The following PREX2 variants were observed in gnomAD, a reference collection of about 807,000 sequenced individuals.
PREX2 encodes the protein phosphatidylinositol-3,4,5-trisphosphate dependent Rac exchange factor 2.
Under a neutral mutation model 203.2 loss-of-function variants are expected in PREX2, and 107 were observed. That is an observed-to-expected ratio of 0.53 (90% CI 0.45 to 0.62). The LOEUF (loss-of-function observed/expected upper bound fraction) is 0.62. PREX2 is among the 20% of genes least tolerant of loss of function. The probability of loss-of-function intolerance (pLI) is 0.00; values close to 1 mark genes in which losing one functional copy is unlikely to be tolerated. For synonymous variants in PREX2, 672 were observed against 663.6 expected, an observed-to-expected ratio of 1.01 and a Z score of -0.19; for missense variants, 1,777 against 1,955.9, an observed-to-expected ratio of 0.91 and a Z score of 1.72.
rs1437596257 is a variant in PREX2 at position 68,235,573 on chromosome 8, G to A, written c.*4195G>A. On this transcript the variant is annotated 3_prime_UTR_variant, in exon 40 of 40. Transcript: ENST00000288368. ...TGAGAAAAATAATCTGTCTTCTATC[G>A]AATGTTTGAACTTTTAGTGATGAGC... The A allele has an allele frequency of 2.0e-5, 3 of 152,086 alleles. No homozygotes were observed. The highest frequency in any genetic ancestry group is 6.6e-5 in the Admixed American group (1 of 15,254). 9.4% of individuals were successfully genotyped at this position (152,086 alleles called of 1,614,324 possible).
At chr8:68,009,730 A>G (rs928182047) in intron 1 of PREX2, among the ~76,000 whole-genome samples, 4 of 152,240 alleles carry the variant, frequency 2.6e-5, no homozygotes, top group Admixed American at 2.0e-4. Flanking sequence ...TACAAATATA[A>G]TGACTTATGA....
At chr8:68,027,736 TA>T (rs1807769433) in intron 5 of PREX2, among the ~76,000 whole-genome samples, 1 of 152,098 alleles carries the variant, frequency 6.6e-6, no homozygotes, top group Non-Finnish European at 1.5e-5. Flanking sequence ...CAAAATTATA[TA>T]ATTGCATAAC....
intron 1 of PREX2, among the ~76,000 whole-genome samples, chr8:67,962,647 C>A (rs754007827): frequency 8.6e-5 from 13 of 150,852 alleles, no homozygotes; most frequent in Non-Finnish European, 1.6e-4. Flanking sequence ...TGCTCTGTTG[C>A]CCAGGCTAGA....
chr8:67,967,637 G>T (rs1415459593), intron 1 of PREX2, among the ~76,000 whole-genome samples: 1 of 152,200 alleles, frequency 6.6e-6, no homozygotes, highest in African/African-American at 2.4e-5. Flanking sequence ...TGGGGCAGGG[G>T]TGGGAATTGG....
chr8:68,208,339 T>A (rs149725039), intron 37 of PREX2, among the ~76,000 whole-genome samples: 2 of 152,244 alleles, frequency 1.3e-5, no homozygotes, highest in East Asian at 3.9e-4. Flanking sequence ...ACTCTAGACA[T>A]GAAATAAGTC....
intron 38 of PREX2, among the ~76,000 whole-genome samples, chr8:68,222,655 A>T (rs1230622054): frequency 7.2e-6 from 1 of 138,010 alleles, no homozygotes; most frequent in Non-Finnish European, 1.6e-5. Flanking sequence ...GTTTGAAGAG[A>T]AACAGGATAT....
chr8:67,973,399 G>A (rs10504412), intron 1 of PREX2, among the ~76,000 whole-genome samples: 8 of 152,062 alleles, frequency 5.3e-5, no homozygotes, highest in African/African-American at 1.9e-4. Flanking sequence ...GAATCTCTCC[G>A]ATAGGGTTCT....
chr8:68,053,041 T>C, intron 8 of PREX2, 56 bp from the exon 9 acceptor site: 2 of 1,481,802 alleles, frequency 1.3e-6, no homozygotes, highest in South Asian at 2.5e-5. Flanking sequence ...ATAGTGTGGA[T>C]ATAATAATAT....
chr8:68,139,549 T>C (rs1242099466), intron 33 of PREX2, among the ~76,000 whole-genome samples: 1 of 152,194 alleles, frequency 6.6e-6, no homozygotes, highest in East Asian at 1.9e-4. Flanking sequence ...GTGTGTTCCA[T>C]ATTAAAAGGC....
At chr8:68,041,469 C>T (rs979596565) in intron 7 of PREX2, among the ~76,000 whole-genome samples, 6 of 151,836 alleles carry the variant, frequency 4.0e-5, no homozygotes, top group Admixed American at 1.3e-4. Context: ...TTATATAAGC[C>T]GAGAAAACAT....
intron 37 of PREX2, among the ~76,000 whole-genome samples, chr8:68,209,222 A>G (rs1812701023): frequency 6.6e-6 from 1 of 152,134 alleles, no homozygotes; most frequent in African/African-American, 2.4e-5. Context: ...ATAGATAGTC[A>G]TTATTCCTTT....
chr8:67,953,929 C>A (rs1805425547), intron 1 of PREX2, among the ~76,000 whole-genome samples: 1 of 152,124 alleles, frequency 6.6e-6, no homozygotes, highest in African/African-American at 2.4e-5. Context: ...TTTTTGGTAA[C>A]AAAGTTCTTT....
chr8:68,174,991 C>T lies in PREX2; in HGVS notation c.4347-16731C>T, dbSNP rs150495399. Among the ~76,000 whole-genome samples the T allele has an allele frequency of 8.7e-3, 1,322 of 152,280 alleles. 15 individuals are homozygous for T. The highest frequency in any genetic ancestry group is 0.021 in the Admixed American group (327 of 15,286). On this transcript the variant is annotated intron_variant, in intron 35 of 39. Coordinates refer to ENST00000288368, the MANE Select transcript of PREX2 (RefSeq NM_024870.4). ...CAGCACTGAGGATACAGAGATGAAC[C>T]GGACAATATGCTCTTGAGAATTTTA... is the stretch of plus-strand genomic sequence containing the variant.
At chr8:68,103,491 T>C (rs1019990050) in intron 23 of PREX2, 26 of 513,550 alleles carry the variant, frequency 5.1e-5, no homozygotes, top group Non-Finnish European at 3.9e-6. Context: ...AGCGTACAAA[T>C]ATGTTTTATA....
intron 35 of PREX2, among the ~76,000 whole-genome samples, chr8:68,168,824 C>T (rs1016128046): frequency 6.6e-5 from 10 of 152,108 alleles, no homozygotes; most frequent in Admixed American, 2.0e-4. Context: ...CCTTAATAAC[C>T]GAGTGCCTTT....
intron 18 of PREX2, 76 bp downstream of exon 18, chr8:68,083,464 A>G: frequency 8.7e-7 from 1 of 1,144,158 alleles, no homozygotes; most frequent in East Asian, 2.4e-5. Flanking sequence ...AACTAAGTAA[A>G]TGCTTAGAAT....
At chr8:68,028,463 A>G (rs552528652) in intron 5 of PREX2, among the ~76,000 whole-genome samples, 90 of 152,220 alleles carry the variant, frequency 5.9e-4, no homozygotes, top group Middle Eastern at 3.4e-3. Flanking sequence ...TTAAGAAATA[A>G]ATGTTGAATT....
intron 1 of PREX2, among the ~76,000 whole-genome samples, chr8:67,959,572 C>G (rs1326168410): frequency 1.3e-5 from 2 of 152,168 alleles, no homozygotes; most frequent in Non-Finnish European, 1.5e-5. Flanking sequence ...GGAAGCATAG[C>G]AAGCACCCCC....
intron 3 of PREX2, among the ~76,000 whole-genome samples, chr8:68,020,854 C>T (rs892227065): frequency 2.6e-5 from 4 of 152,174 alleles, no homozygotes; most frequent in African/African-American, 9.6e-5. Context: ...TCTGTCATCC[C>T]TGAATTTAGC....
Sources: allele counts gnomAD v4.1 joint callset (sites outside exome capture counted in the v4.1 genomes callset), GRCh38; gene constraint gnomAD v4.1.1; transcripts MANE v1.5; gene names NCBI Gene and HGNC (gene_info 2026-07-23, HGNC 2026-07-21).